The following ATG4C variants were observed in gnomAD, a reference collection of about 807,000 sequenced individuals.
The protein encoded by ATG4C is autophagy related 4C cysteine peptidase, also known as cysteine protease ATG4C.
ATG4C carries 56 observed loss-of-function variants against 57.6 expected under a neutral mutation model. The ratio of observed to expected loss-of-function variants is 0.97; its 90% CI spans 0.78 to 1.21. The LOEUF (loss-of-function observed/expected upper bound fraction) is 1.21. Among genes scored for constraint, ATG4C ranks in the 50% most tolerant of loss-of-function variants. The probability of loss-of-function intolerance (pLI) is 0.00; values close to 1 mark genes in which losing one functional copy is unlikely to be tolerated. For missense variants in ATG4C, 595 were observed against 529.8 expected (o/e 1.12, Z -1.21); for synonymous variants, 157 against 174.1 (o/e 0.90, Z 0.78).
intron 1 of ATG4C, among the ~76,000 whole-genome samples, chr1:62,786,529 C>CA (rs780728043): frequency 0.057 from 5,711 of 100,896 alleles, 267 homozygotes; most frequent in African/African-American, 0.16. Flanking sequence ...GACCCTGTCT[C>CA]AAAAAAAAAA....
chr1:62,861,224 A>G (rs540667988), intron 10 of ATG4C, among the ~76,000 whole-genome samples: 1 of 152,260 alleles, frequency 6.6e-6, no homozygotes, highest in South Asian at 2.1e-4. Context: ...TTCTCCTACT[A>G]TGTAATAGAA....
chr1:62,859,255 C>A (rs1444089731), intron 10 of ATG4C, among the ~76,000 whole-genome samples: 2 of 152,002 alleles, frequency 1.3e-5, no homozygotes, highest in Non-Finnish European at 2.9e-5. Context: ...ATATATAATG[C>A]AAATATTTCA....
At chr1:62,827,370 CTG>C (rs377680002) in intron 6 of ATG4C, among the ~76,000 whole-genome samples, 58 of 152,266 alleles carry the variant, frequency 3.8e-4, no homozygotes, top group African/African-American at 1.3e-3. Flanking sequence ...CCCTAGGTAT[CTG>C]TCTGTATTAC....
intron 10 of ATG4C, among the ~76,000 whole-genome samples, chr1:62,845,712 AT>A (rs71045859): frequency 0.46 from 68,942 of 151,476 alleles, 15,806 homozygotes; most frequent in East Asian, 0.66. Flanking sequence ...TTATTTATTT[AT>A]TTTTTTGAGA....
At chr1:62,836,829 T>C (rs1412907912) in intron 9 of ATG4C, among the ~76,000 whole-genome samples, 1 of 152,118 alleles carries the variant, frequency 6.6e-6, no homozygotes, top group Non-Finnish European at 1.5e-5. Flanking sequence ...ACATAAATAA[T>C]TGGTGGTAGT....
chr1:62,822,907 C>A (rs1665527031), intron 6 of ATG4C, among the ~76,000 whole-genome samples: 1 of 152,174 alleles, frequency 6.6e-6, no homozygotes, highest in Non-Finnish European at 1.5e-5. Context: ...ATAATCCCAG[C>A]ACTTTGACAG....
intron 3 of ATG4C, among the ~76,000 whole-genome samples, chr1:62,813,138 A>G (rs571355538): frequency 6.6e-6 from 1 of 152,344 alleles, no homozygotes; most frequent in Non-Finnish European, 1.5e-5. Flanking sequence ...GTTCATATGG[A>G]ACCAAAAAAG....
chr1:62,830,410 GAGA>G (rs1344063152), intron 7 of ATG4C, among the ~76,000 whole-genome samples: 1 of 152,088 alleles, frequency 6.6e-6, no homozygotes, highest in Non-Finnish European at 1.5e-5. Context: ...CTACTACCAT[GAGA>G]AGATTAGAAA....
intron 1 of ATG4C, among the ~76,000 whole-genome samples, chr1:62,788,299 G>A (rs1481241629): frequency 2.0e-5 from 3 of 151,884 alleles, no homozygotes; most frequent in African/African-American, 4.8e-5. Context: ...TTTCAAACCT[G>A]TAAAAACATT....
Position 62,864,118 on chromosome 1 carries a change from C to T in ATG4C, c.1336C>T (p.Gln446Ter), listed in dbSNP as rs200697610. The T allele has an allele frequency of 1.3e-4, 201 of 1,606,574 alleles. No individual in the cohort carries two copies. In the Middle Eastern group the frequency reaches 1.5e-3, roughly 12 times the overall value. Reference sequence around the variant, plus strand: ...CCTTTTTTCAGAGGATGAAAAGAAACAATTAAAAAGATTTAGCACGGAAGA... The same window carrying T: ...CCTTTTTTCAGAGGATGAAAAGAAATAATTAAAAAGATTTAGCACGGAAGA... ...EDLFSEDEKK[Q>*]LKRFSTEEFV... The change falls in exon 11 of 11, where the codon CAA becomes TAA. Residue 446 changes from glutamine (Q) to a stop codon, truncating the protein, a stop_gained. Transcript: ENST00000317868. LOFTEE classifies it high-confidence loss of function.
chr1:62,851,029 T>C (rs973179857), intron 10 of ATG4C, among the ~76,000 whole-genome samples: 1 of 151,304 alleles, frequency 6.6e-6, no homozygotes, highest in Non-Finnish European at 1.5e-5. Context: ...TAGCACTGGC[T>C]ATCACATTGT....
chr1:62,860,028 A>T (rs897973255), intron 10 of ATG4C, among the ~76,000 whole-genome samples: 1 of 152,152 alleles, frequency 6.6e-6, no homozygotes, highest in Non-Finnish European at 1.5e-5. Flanking sequence ...TTCTTATTCT[A>T]TAAGATTTTT....
Position 62,818,944 on chromosome 1 carries a change from A to G in ATG4C, c.395-61A>G, listed in dbSNP as rs931812331. 3 of 1,285,426 alleles carry G rather than the reference A, an allele frequency of 2.3e-6. No homozygotes were observed. In the Admixed American group the frequency reaches 7.5e-5, roughly 32 times the overall value. 79.6% of individuals were successfully genotyped at this position (1,285,426 alleles called of 1,614,324 possible). The stretch of plus-strand genomic sequence containing the variant: ...ACCTTAAATGCTACGTATTTATTTT[A>G]GTAGAATTGTTAAAGTATCTATTTA... On this transcript the variant is annotated intron_variant, in intron 4 of 10. Coordinates refer to ENST00000317868, the MANE Select transcript of ATG4C (RefSeq NM_032852.4).
intron 2 of ATG4C, 32 bp downstream of exon 2, chr1:62,803,894 C>G (rs1187439177): frequency 1.5e-6 from 2 of 1,342,312 alleles, no homozygotes; most frequent in Non-Finnish European, 2.1e-6. Flanking sequence ...TTGTATAAAT[C>G]CAAAGAAATA....
intron 9 of ATG4C, among the ~76,000 whole-genome samples, chr1:62,841,004 G>T (rs989172810): frequency 1.3e-5 from 2 of 152,268 alleles, no homozygotes; most frequent in African/African-American, 4.8e-5. Context: ...TGTTTAAAAA[G>T]TCTCGATATC....
In ATG4C at chr1:62,787,583, T is replaced by G. The variant is rs923149098; in HGVS notation, c.-69+3310T>G. On this transcript the variant is annotated intron_variant, in intron 1 of 10. Transcript: ENST00000317868. The stretch of plus-strand genomic sequence containing the variant: ...ACAGTAGTGATTTATAGTTTATTGT[T>G]TAAATTTTACATTTCTTAGTAAAGT... Among the ~76,000 whole-genome samples, 9 of 152,296 alleles carry G rather than the reference T, an allele frequency of 5.9e-5. No homozygotes were observed. The South Asian group carries it at 1.9e-3, about 32-fold the overall frequency.
intron 1 of ATG4C, among the ~76,000 whole-genome samples, chr1:62,800,829 T>A (rs1407783005): frequency 6.6e-6 from 1 of 152,162 alleles, no homozygotes; most frequent in Non-Finnish European, 1.5e-5. Context: ...ATGAATGTGG[T>A]GATACAGGAA....
At chr1:62,805,057 A>G (rs1053060839) in intron 2 of ATG4C, 115 bp from the exon 3 acceptor site, 26 of 1,364,986 alleles carry the variant, frequency 1.9e-5, no homozygotes, top group Non-Finnish European at 2.5e-5. Flanking sequence ...AAAAATGCAC[A>G]TCCATAAATA....
intron 1 of ATG4C, among the ~76,000 whole-genome samples, chr1:62,801,956 T>G (rs1358057314): frequency 2.4e-5 from 1 of 41,742 alleles, no homozygotes; most frequent in African/African-American, 1.3e-4. Context: ...AGACTCTGTC[T>G]CCAAAAAAAA....
Sources: allele counts gnomAD v4.1 joint callset (sites outside exome capture counted in the v4.1 genomes callset), GRCh38; gene constraint gnomAD v4.1.1; transcripts MANE v1.5; gene names NCBI Gene and HGNC (gene_info 2026-07-23, HGNC 2026-07-21).